The following KPNA3 variants were observed in gnomAD, a reference collection of about 807,000 sequenced individuals.
The protein encoded by KPNA3 is importin subunit alpha-4.
KPNA3 carries 13 observed loss-of-function variants against 73.8 expected under a neutral mutation model. The ratio of observed to expected loss-of-function variants is 0.18; its 90% CI spans 0.11 to 0.28. KPNA3 has a LOEUF of 0.28. KPNA3 is among the 10% of genes least tolerant of loss of function. KPNA3 has a pLI of 1.00. For synonymous variants in KPNA3, 186 were observed against 206.9 expected (o/e 0.90, Z 0.87); for missense variants, 360 against 618.1 (o/e 0.58, Z 4.43).
chr13:49,761,777 C>T (rs1413020056), intron 1 of KPNA3, among the ~76,000 whole-genome samples: 3 of 151,964 alleles, frequency 2.0e-5, no homozygotes, highest in Non-Finnish European at 2.9e-5. Flanking sequence ...CGGCTGCCAT[C>T]CCGTCTAGGA....
chr13:49,743,934 A>G (rs1036844794), intron 2 of KPNA3, among the ~76,000 whole-genome samples: 1 of 152,200 alleles, frequency 6.6e-6, no homozygotes, highest in Non-Finnish European at 1.5e-5. Flanking sequence ...CTTCTATTGC[A>G]TCTATTAAAG....
chr13:49,711,034 A>G lies in KPNA3; in HGVS notation c.772-12T>C, dbSNP rs748002419. 4 of 1,596,544 alleles carry G rather than the reference A, an allele frequency of 2.5e-6. No homozygotes were observed. Among genetic ancestry groups the G allele is most frequent in the Non-Finnish European group, 3.4e-6 (4 of 1,174,876 alleles). ...GTGTCTACAAGAATCTACAGGAAAC[A>G]CAAAAGAAAAACCATTTTACATATT... On this transcript the variant is annotated splice_polypyrimidine_tract_variant and intron_variant, in intron 10 of 16. Coordinates refer to ENST00000261667, the MANE Select transcript of KPNA3 (RefSeq NM_002267.4).
intron 1 of KPNA3, among the ~76,000 whole-genome samples, chr13:49,750,379 G>T (rs1233520193): frequency 1.3e-5 from 2 of 152,186 alleles, no homozygotes; most frequent in East Asian, 3.8e-4. Context: ...CAGACTAGGT[G>T]CAGTGGCTCA....
At chr13:49,717,239 A>G (rs1426564767) in intron 10 of KPNA3, among the ~76,000 whole-genome samples, 1 of 152,138 alleles carries the variant, frequency 6.6e-6, no homozygotes, top group Non-Finnish European at 1.5e-5. Context: ...TACAAGATAA[A>G]CTTAAAACTC....
At chr13:49,734,511 T>C (rs907513917) in intron 2 of KPNA3, among the ~76,000 whole-genome samples, 3 of 152,090 alleles carry the variant, frequency 2.0e-5, no homozygotes, top group African/African-American at 4.8e-5. Flanking sequence ...AAAGAAAAAA[T>C]TATTTCACTC....
chr13:49,725,600 T>C (rs1353613146), intron 6 of KPNA3, 99 bp from the exon 7 acceptor site: 2 of 705,782 alleles, frequency 2.8e-6, no homozygotes, highest in Non-Finnish European at 4.5e-6. Flanking sequence ...TGCCTTGTCC[T>C]TGAATTTCAC....
intron 1 of KPNA3, among the ~76,000 whole-genome samples, chr13:49,765,830 T>C (rs887048054): frequency 3.9e-5 from 6 of 152,186 alleles, no homozygotes; most frequent in Non-Finnish European, 7.3e-5. Context: ...CTAGCATCCT[T>C]TAAGTAAACT....
Position 49,768,736 on chromosome 13 carries a change from C to T in KPNA3, c.70-21743G>A, listed in dbSNP as rs1954829822. ...GTTCTACCTACTAAATGTCAAGAACCCAACTTGTGTGCCACACATACATGT... is the reference window on the plus strand; with the variant it reads ...GTTCTACCTACTAAATGTCAAGAACTCAACTTGTGTGCCACACATACATGT... On this transcript the variant is annotated intron_variant, in intron 1 of 16. Coordinates refer to ENST00000261667, the MANE Select transcript of KPNA3 (RefSeq NM_002267.4). Among the ~76,000 whole-genome samples the T allele has an allele frequency of 3.3e-5, 5 of 152,024 alleles. No homozygotes were observed. The South Asian group carries it at 8.3e-4, about 25-fold the overall frequency.
intron 6 of KPNA3, among the ~76,000 whole-genome samples, chr13:49,731,253 T>G (rs967118838): frequency 2.5e-4 from 36 of 144,348 alleles, no homozygotes; most frequent in Admixed American, 7.6e-4. Flanking sequence ...TTTCGTGTTT[T>G]TTTTTTTTTT....
chr13:49,724,834 T>C (rs1359601277), intron 7 of KPNA3, among the ~76,000 whole-genome samples: 1 of 152,186 alleles, frequency 6.6e-6, no homozygotes, highest in Non-Finnish European at 1.5e-5. Context: ...TGAACTCAAG[T>C]GATCTGCTTG....
chr13:49,792,358 C>A, intron 1 of KPNA3, 80 bp downstream of exon 1: 2 of 975,154 alleles, frequency 2.1e-6, no homozygotes, highest in Non-Finnish European at 2.8e-6. Flanking sequence ...CGAGAACCAG[C>A]CCGGCGCCGG....
Position 49,731,897 on chromosome 13 carries a change from C to T in KPNA3, c.383+474G>A, listed in dbSNP as rs541096404. Among the ~76,000 whole-genome samples, 36 of 152,252 alleles carry T rather than the reference C, an allele frequency of 2.4e-4. No individual in the cohort carries two copies. The East Asian group carries it at 5.2e-3, about 22-fold the overall frequency. On this transcript the variant is annotated intron_variant, in intron 6 of 16. Transcript: ENST00000261667. ...AAACAAAAAGTCTGACATTGGACAA[C>T]TTATCATGGATGAAGTTCTGTTAAA...
At chr13:49,712,458 A>G (rs1954268507) in intron 10 of KPNA3, among the ~76,000 whole-genome samples, 1 of 152,124 alleles carries the variant, frequency 6.6e-6, no homozygotes, top group South Asian at 2.1e-4. Flanking sequence ...AAATGAACCC[A>G]AAGATACATC....
At chr13:49,747,130 TC>T (rs1457483313) in intron 1 of KPNA3, 137 bp from the exon 2 acceptor site, 1 of 541,062 alleles carries the variant, frequency 1.8e-6, no homozygotes, top group African/African-American at 2.0e-5. Flanking sequence ...TCACTTGAGG[TC>T]AGGAGTTCAA....
chr13:49,729,427 A>C lies in KPNA3; in HGVS notation c.383+2944T>G, dbSNP rs1954440694. On this transcript the variant is annotated intron_variant, in intron 6 of 16. Coordinates refer to ENST00000261667, the MANE Select transcript of KPNA3 (RefSeq NM_002267.4). ...TTATAAAGCCAAAGAAAGTCTTTCA[A>C]GATGTCATGTGGAAAAATAAAAAAA... 5.3e-5 allele frequency among the ~76,000 whole-genome samples: 8 copies of C among 152,326 alleles called. No homozygotes were observed. The South Asian group carries it at 1.7e-3, about 32-fold the overall frequency.
At position 49,792,513 on chromosome 13, in the gene KPNA3, G is replaced by A. The variant is rs764021146; in HGVS notation, c.-7C>T. ...AGCTGGGGTTCTCGGCCATGGCTGC[G>A]CGCGGCTCCGGCGGCGGCTACTCCT... On this transcript the variant is annotated 5_prime_UTR_variant, in exon 1 of 17. Transcript: ENST00000261667. 2 of 1,565,044 alleles carry A rather than the reference G, an allele frequency of 1.3e-6. No homozygotes were observed. Among genetic ancestry groups the A allele is most frequent in the Non-Finnish European group, 1.7e-6 (2 of 1,154,296 alleles).
chr13:49,727,123 G>A (rs1286781096), intron 6 of KPNA3, among the ~76,000 whole-genome samples: 1 of 151,958 alleles, frequency 6.6e-6, no homozygotes, highest in Non-Finnish European at 1.5e-5. Flanking sequence ...CTATAAACAG[G>A]GAAGAGAGCA....
intron 1 of KPNA3, among the ~76,000 whole-genome samples, chr13:49,771,652 G>A (rs1462404550): frequency 6.6e-6 from 1 of 152,014 alleles, no homozygotes; most frequent in Non-Finnish European, 1.5e-5. Flanking sequence ...TTGAGACAGG[G>A]TCTCACTCTG....
intron 12 of KPNA3, among the ~76,000 whole-genome samples, chr13:49,707,680 G>T (rs1278844978): frequency 6.7e-6 from 1 of 149,700 alleles, no homozygotes. Context: ...TTCCAATTAT[G>T]GAATATATTC....
Sources: allele counts gnomAD v4.1 joint callset (sites outside exome capture counted in the v4.1 genomes callset), GRCh38; gene constraint gnomAD v4.1.1; transcripts MANE v1.5; gene names NCBI Gene and HGNC (gene_info 2026-07-23, HGNC 2026-07-21).